The following KATNA1 variants were observed in gnomAD, a reference collection of about 807,000 sequenced individuals.
The protein encoded by KATNA1 is katanin catalytic subunit A1.
In KATNA1, 42 loss-of-function variants were observed where a neutral mutation model predicts 62.6. The ratio of observed to expected loss-of-function variants is 0.67; its 90% confidence interval spans 0.52 to 0.87. KATNA1 has a LOEUF of 0.87. Among genes scored for constraint, KATNA1 ranks in the 40% least tolerant of loss-of-function variants. The probability of loss-of-function intolerance (pLI) is 0.00; values close to 1 mark genes in which losing one functional copy is unlikely to be tolerated. For missense variants in KATNA1, 498 were observed against 612.5 expected (o/e 0.81, Z 1.97); for synonymous variants, 186 against 201.9 (o/e 0.92, Z 0.67).
rs1193787084 is a variant in KATNA1 at position 149,603,324 on chromosome 6, C to T, written c.673G>A (p.Val225Ile). The T allele has an allele frequency of 3.7e-6, 6 of 1,603,102 alleles. No individual in the cohort carries two copies. The highest frequency in any genetic ancestry group is 1.7e-5 in the Admixed American group (1 of 58,896). ...TCGGGCATCCACATTGGTAACACTA[C>T]GGCTTCCTTAAGCAACTTTTTAGCT... ...VEAKKLLKEA[V>I]VLPMWMPEFF... The change falls in exon 6 of 11, where the codon GTA (valine) becomes ATA (isoleucine). Residue 225 changes from valine to isoleucine, a missense_variant. By Grantham distance (29) the Val-to-Ile change is conservative. Transcript: ENST00000367411.
In KATNA1 at chr6:149,594,996, A is replaced by G. The variant is rs752545024; in HGVS notation, c.*40T>C. 6.0e-6 allele frequency: 9 copies of G among 1,510,342 alleles called. No homozygotes were observed. The East Asian group carries it at 9.1e-5, about 15-fold the overall frequency. The allele number at this position is 1,510,342 out of a possible 1,614,324, so 93.6% of individuals were successfully genotyped here. On this transcript the variant is annotated 3_prime_UTR_variant, in exon 11 of 11. Transcript: ENST00000367411. Reference sequence around the variant, plus strand: ...AATGAATTACTGCATTTAATATTCAAACACTTAAGGCACATTTCTCACAGT... The same window carrying G: ...AATGAATTACTGCATTTAATATTCAGACACTTAAGGCACATTTCTCACAGT...
chr6:149,617,264 GA>G (rs1430937564), intron 4 of KATNA1, among the ~76,000 whole-genome samples: 1 of 152,180 alleles, frequency 6.6e-6, no homozygotes, highest in East Asian at 1.9e-4. Context: ...TGGAACATGT[GA>G]ATGTACTACT....
At chr6:149,643,848 T>TA (rs201614949) in intron 1 of KATNA1, among the ~76,000 whole-genome samples, 2,447 of 148,094 alleles carry the variant, frequency 0.017, 38 homozygotes, top group African/African-American at 0.038. Context: ...TATATATATA[T>TA]TTTTTTTTTG....
intron 1 of KATNA1, among the ~76,000 whole-genome samples, chr6:149,640,182 T>C (rs1780226234): frequency 6.6e-6 from 1 of 152,232 alleles, no homozygotes; most frequent in East Asian, 1.9e-4. Flanking sequence ...AGGTCTTCAA[T>C]AAATGTTAAA....
chr6:149,628,618 G>A (rs1206103163), intron 3 of KATNA1, among the ~76,000 whole-genome samples: 1 of 151,748 alleles, frequency 6.6e-6, no homozygotes, highest in Non-Finnish European at 1.5e-5. Context: ...TCAGGAGTTC[G>A]AGATCAGCTT....
intron 3 of KATNA1, among the ~76,000 whole-genome samples, chr6:149,627,038 CGT>C (rs923086711): frequency 2.6e-5 from 4 of 151,654 alleles, no homozygotes; most frequent in South Asian, 2.1e-4. Context: ...GACTTACATA[CGT>C]GTGTGTGTAT....
intron 4 of KATNA1, among the ~76,000 whole-genome samples, chr6:149,608,406 A>G (rs1033636081): frequency 6.6e-6 from 1 of 152,166 alleles, no homozygotes; most frequent in African/African-American, 2.4e-5. Flanking sequence ...ACAAACAAAA[A>G]CACCCCAACA....
intron 4 of KATNA1, among the ~76,000 whole-genome samples, chr6:149,613,294 A>G (rs1460326648): frequency 6.6e-6 from 1 of 151,516 alleles, no homozygotes; most frequent in Non-Finnish European, 1.5e-5. Context: ...TTCCTCCTAA[A>G]ATCAGGAACA....
At position 149,604,708 on chromosome 6, in the gene KATNA1, T is replaced by C; in HGVS notation, c.576A>G (p.Val192=). 2 of 1,612,538 alleles carry C rather than the reference T, an allele frequency of 1.2e-6. No homozygotes were observed. Among genetic ancestry groups the C allele is most frequent in the South Asian group, 1.1e-5 (1 of 91,064 alleles). ...FDSTGYDKDL[V]EALERDIISQ... is the part of the protein sequence containing the mutation. ...AAATTATATCTCTTTCCAAAGCTTC[T>C]ACTAAGTCTTTATCATATCCGGTAC... The change falls in exon 5 of 11, where the codon GTA becomes GTG. Residue 192 remains valine (V), a synonymous_variant. Coordinates refer to ENST00000367411, the MANE Select transcript of KATNA1 (RefSeq NM_007044.4).
At chr6:149,632,574 A>C (rs780582448) in intron 3 of KATNA1, among the ~76,000 whole-genome samples, 185 bp downstream of exon 3, 16 of 152,130 alleles carry the variant, frequency 1.1e-4, no homozygotes, top group Non-Finnish European at 1.9e-4. Context: ...TCCTACCTAA[A>C]TCTTATTTTT....
intron 3 of KATNA1, among the ~76,000 whole-genome samples, chr6:149,626,682 T>C (rs1779622434): frequency 6.6e-6 from 1 of 151,730 alleles, no homozygotes; most frequent in Admixed American, 6.6e-5. Context: ...GTGCAGGGTA[T>C]GTGCAAATAT....
intron 4 of KATNA1, among the ~76,000 whole-genome samples, chr6:149,611,932 G>A (rs1045886473): frequency 6.6e-6 from 1 of 151,938 alleles, no homozygotes; most frequent in Non-Finnish European, 1.5e-5. Context: ...CCCAGGAGGC[G>A]GAGCTTGCAG....
At chr6:149,596,980 CTG>C (rs1283489851) in intron 10 of KATNA1, 81 bp downstream of exon 10, 4 of 1,421,744 alleles carry the variant, frequency 2.8e-6, no homozygotes, top group Admixed American at 3.7e-5. Flanking sequence ...CAGAGCGAGA[CTG>C]TGTCTCAAAA....
Position 149,601,599 on chromosome 6 carries a change from CAAACA to C in KATNA1, c.878_882del (p.Leu293ArgfsTer14). 1.2e-6 allele frequency: 2 copies of C among 1,602,788 alleles called. No individual in the cohort carries two copies. Among genetic ancestry groups the C allele is most frequent in the Non-Finnish European group, 1.7e-6 (2 of 1,175,672 alleles). On this transcript the variant is annotated frameshift_variant, in exon 7 of 11. Coordinates refer to ENST00000367411, the MANE Select transcript of KATNA1 (RefSeq NM_007044.4). LOFTEE classifies it high-confidence loss of function. The stretch of plus-strand genomic sequence containing the variant: ...GAGCTGTCTCAAACATTCACCATTT[CAAACA>C]GAAGACGAACAAGCTTCTCAGATTC...
chr6:149,606,066 A>G lies in KATNA1; in HGVS notation c.502-1284T>C, dbSNP rs139810110. 1.6e-3 allele frequency among the ~76,000 whole-genome samples: 245 copies of G among 152,142 alleles called. 1 individual carries two copies. Among genetic ancestry groups the G allele is most frequent in the African/African-American group, 5.6e-3 (231 of 41,520 alleles). On this transcript the variant is annotated intron_variant, in intron 4 of 10. Coordinates refer to ENST00000367411, the MANE Select transcript of KATNA1 (RefSeq NM_007044.4). ...TGAGCCACTGTGTCCGGCCTGAATA[A>G]TACCATATTTTTGTGAAGCTGGGTT...
intron 7 of KATNA1, among the ~76,000 whole-genome samples, chr6:149,598,896 G>C (rs1296890758): frequency 6.6e-6 from 1 of 151,940 alleles, no homozygotes; most frequent in East Asian, 1.9e-4. Flanking sequence ...GCAAGGTCTT[G>C]CTCTGTCATC....
chr6:149,618,795 G>A (rs1444767209), intron 4 of KATNA1, among the ~76,000 whole-genome samples: 1 of 152,110 alleles, frequency 6.6e-6, no homozygotes, highest in African/African-American at 2.4e-5. Context: ...TAAGGAGCTA[G>A]ACCCCCTAAC....
intron 4 of KATNA1, among the ~76,000 whole-genome samples, chr6:149,607,754 A>G (rs920611418): frequency 2.6e-5 from 4 of 152,216 alleles, no homozygotes; most frequent in East Asian, 1.9e-4. Context: ...TAATCAGGAC[A>G]TAAGTCCTTG....
At chr6:149,625,251 G>T (rs1400488471) in intron 3 of KATNA1, among the ~76,000 whole-genome samples, 1 of 152,192 alleles carries the variant, frequency 6.6e-6, no homozygotes, top group Non-Finnish European at 1.5e-5. Flanking sequence ...GCAGTGAGAT[G>T]TTTGTGATTA....
Sources: allele counts gnomAD v4.1 joint callset (sites outside exome capture counted in the v4.1 genomes callset), GRCh38; gene constraint gnomAD v4.1.1; transcripts MANE v1.5; gene names NCBI Gene and HGNC (gene_info 2026-07-23, HGNC 2026-07-21).